Variants in DYNC2H1 observed in about 807,000 individuals in gnomAD.
DYNC2H1 encodes the protein dynein cytoplasmic 2 heavy chain 1.
In DYNC2H1, 410 loss-of-function variants were observed where a neutral mutation model predicts 570.0. The ratio of observed to expected loss-of-function variants is 0.72; its 90% CI spans 0.66 to 0.78. The LOEUF is 0.78. Among genes scored for constraint, DYNC2H1 ranks in the 30% least tolerant of loss-of-function variants. DYNC2H1 has a pLI of 0.00. For synonymous variants in DYNC2H1, 1,688 were observed against 1,677.6 expected (o/e 1.01, Z -0.15); for missense variants, 4,865 against 5,046.4 (o/e 0.96, Z 1.09).
At position 103,170,302 on chromosome 11, in the gene DYNC2H1, A is replaced by C. The variant is rs774556127; in HGVS notation, c.5151+12A>C. ...TTAATTGTGATGAGGTAGAATAAAT[A>C]ATTATCAAAATATGTAACAATGGGT... On this transcript the variant is annotated intron_variant, in intron 33 of 88. Coordinates refer to ENST00000375735, the MANE Select transcript of DYNC2H1 (RefSeq NM_001377.3). The surrounding 1 kb of genome is among the most constrained non-coding windows in gnomAD (Gnocchi z 4.8). 67 of 1,542,206 alleles carry C rather than the reference A, an allele frequency of 4.3e-5. No individual in the cohort carries two copies. The highest frequency in any genetic ancestry group is 5.7e-5 in the Non-Finnish European group (65 of 1,148,668).
At chr11:103,386,919 G>C (rs1941907108) in intron 83 of DYNC2H1, among the ~76,000 whole-genome samples, 1 of 151,404 alleles carries the variant, frequency 6.6e-6, no homozygotes, top group Non-Finnish European at 1.5e-5. Context: ...ATTTGGGTTG[G>C]TTCCAAGTCT....
chr11:103,140,937 T>C (rs1859883981), intron 17 of DYNC2H1, among the ~76,000 whole-genome samples: 1 of 152,176 alleles, frequency 6.6e-6, no homozygotes, highest in Admixed American at 6.5e-5. Flanking sequence ...ACTTCCCTTC[T>C]CGGTTCATTT....
rs188656981 is a variant in DYNC2H1 at position 103,241,731 on chromosome 11, A to T, written c.9820-1962A>T. On this transcript the variant is annotated intron_variant, in intron 63 of 88. Coordinates refer to ENST00000375735, the MANE Select transcript of DYNC2H1 (RefSeq NM_001377.3). The surrounding 1 kb of genome is among the most constrained non-coding windows in gnomAD (Gnocchi z 5.1). ...GTGCTTCGAGTAGTACATTTACGTG[A>T]TGGAGCAGTAAGTGAAATCTCTAGA... Among the ~76,000 whole-genome samples the T allele has an allele frequency of 1.6e-3, 250 of 152,258 alleles. 1 individual carries two copies. The highest frequency in any genetic ancestry group is 5.1e-4 in the Non-Finnish European group (35 of 68,004).
intron 20 of DYNC2H1, among the ~76,000 whole-genome samples, chr11:103,150,475 G>A (rs1472768203): frequency 6.6e-6 from 1 of 152,120 alleles, no homozygotes; most frequent in Admixed American, 6.6e-5. Flanking sequence ...TTAGGAGTTT[G>A]GCTTGAGCAG....
chr11:103,178,230 A>C (rs1000405409), intron 38 of DYNC2H1, among the ~76,000 whole-genome samples: 2 of 152,126 alleles, frequency 1.3e-5, no homozygotes, highest in African/African-American at 2.4e-5. Flanking sequence ...TGAAAATTTA[A>C]GTGGTAAAAC....
intron 82 of DYNC2H1, among the ~76,000 whole-genome samples, chr11:103,337,032 C>A (rs1939173577): frequency 6.6e-6 from 1 of 152,114 alleles, no homozygotes; most frequent in African/African-American, 2.4e-5. Context: ...CATGGGTTTA[C>A]CAGAACGAGG....
At chr11:103,345,021 G>A (rs1304135699) in intron 82 of DYNC2H1, among the ~76,000 whole-genome samples, 1 of 151,960 alleles carries the variant, frequency 6.6e-6, no homozygotes, top group Non-Finnish European at 1.5e-5. Flanking sequence ...GTTCTATTAC[G>A]TGCATGCATT....
chr11:103,171,070 T>A lies in DYNC2H1; in HGVS notation c.5334+2T>A. 2 of 1,572,454 alleles carry A rather than the reference T, an allele frequency of 1.3e-6. No individual in the cohort carries two copies. The highest frequency in any genetic ancestry group is 1.7e-6 in the Non-Finnish European group (2 of 1,154,294). On this transcript the variant is annotated splice_donor_variant, in intron 34 of 88. Coordinates refer to ENST00000375735, the MANE Select transcript of DYNC2H1 (RefSeq NM_001377.3). LOFTEE classifies it high-confidence loss of function. The stretch of plus-strand genomic sequence containing the variant: ...GTATGTGAACTGCTTGGCAAGGAGG[T>A]ATAGAATATGTTGGGAATTTAAAGA...
At chr11:103,438,191 T>G (rs1944131204) in intron 85 of DYNC2H1, among the ~76,000 whole-genome samples, 1 of 152,080 alleles carries the variant, frequency 6.6e-6, no homozygotes, top group Non-Finnish European at 1.5e-5. Flanking sequence ...TTTACATTGT[T>G]TTATTTTCCT....
intron 84 of DYNC2H1, among the ~76,000 whole-genome samples, chr11:103,411,062 G>A (rs990738587): frequency 6.6e-6 from 1 of 152,074 alleles, no homozygotes; most frequent in Admixed American, 6.6e-5. Context: ...TGTTTATGGG[G>A]TTGTGCAAAC....
intron 17 of DYNC2H1, among the ~76,000 whole-genome samples, chr11:103,136,975 G>A (rs1186022334): frequency 2.8e-4 from 42 of 151,184 alleles, no homozygotes; most frequent in African/African-American, 4.1e-4. Flanking sequence ...TCTGATGGCC[G>A]GTGATGGTGA....
At chr11:103,421,222 T>C (rs1943475673) in intron 84 of DYNC2H1, among the ~76,000 whole-genome samples, 1 of 152,138 alleles carries the variant, frequency 6.6e-6, no homozygotes, top group Admixed American at 6.6e-5. Context: ...AGCAAGTTCT[T>C]AGAAACCTAC....
Position 103,359,668 on chromosome 11 carries a change from CT to C in DYNC2H1, c.12156+1323del, listed in dbSNP as rs202022243. 1.3e-3 allele frequency among the ~76,000 whole-genome samples: 173 copies of C among 129,892 alleles called. 2 individuals are homozygous for C. Among genetic ancestry groups the C allele is most frequent in the African/African-American group, 3.0e-3 (106 of 35,014 alleles). The allele number at this position is 129,892 out of a possible 152,430, so 85.2% of individuals were successfully genotyped here. On this transcript the variant is annotated intron_variant, in intron 83 of 88. Transcript: ENST00000375735. ...ACCCTCATTTACTTTTTTTTTTTTA[CT>C]TTTTTTTTTTTTTGAGATGGAGTCT...
At chr11:103,374,275 A>T (rs1941299587) in intron 83 of DYNC2H1, among the ~76,000 whole-genome samples, 1 of 152,168 alleles carries the variant, frequency 6.6e-6, no homozygotes, top group Non-Finnish European at 1.5e-5. Context: ...TGTTCTCATG[A>T]TAGCGAGTGA....
At chr11:103,316,468 T>A in intron 79 of DYNC2H1, 77 bp from the exon 80 acceptor site, 1 of 982,864 alleles carries the variant, frequency 1.0e-6, no homozygotes, top group Non-Finnish European at 1.5e-6. Flanking sequence ...GATCATTTAA[T>A]TTAAAGACAG....
intron 82 of DYNC2H1, among the ~76,000 whole-genome samples, chr11:103,342,311 C>T (rs890570732): frequency 3.0e-4 from 45 of 152,080 alleles, no homozygotes; most frequent in Admixed American, 2.8e-3. Flanking sequence ...AATCAGCACC[C>T]TATAAAATGG....
Position 103,358,273 on chromosome 11 carries a change from T to C in DYNC2H1, c.12070T>C (p.Ser4024Pro). Residue 4024 changes from serine (S) to proline (P), a missense_variant, in exon 83 of 89, where the codon TCC becomes CCC. Ser to Pro is a moderately conservative substitution (Grantham distance 74, BLOSUM62 -1). Coordinates refer to ENST00000375735, the MANE Select transcript of DYNC2H1 (RefSeq NM_001377.3). ...VISQLRILGR[S>P]ITAGSKFDRE... ...TTCACAGTTGAGGATTTTGGGCAGA[T>C]CCATAACAGCTGGTTCCAAATTTGA... is the stretch of plus-strand genomic sequence containing the variant. The C allele has an allele frequency of 6.3e-7, 1 of 1,589,238 alleles. No individual in the cohort carries two copies. Among genetic ancestry groups the C allele is most frequent in the Non-Finnish European group, 8.6e-7 (1 of 1,166,312 alleles).
intron 82 of DYNC2H1, among the ~76,000 whole-genome samples, chr11:103,342,002 G>A (rs1939465040): frequency 2.0e-5 from 3 of 152,318 alleles, no homozygotes; most frequent in Admixed American, 2.0e-4. Context: ...CTAGCTGTGT[G>A]TGGTGGCATG....
chr11:103,438,923 C>T (rs1171862237), intron 85 of DYNC2H1, among the ~76,000 whole-genome samples: 3 of 151,982 alleles, frequency 2.0e-5, no homozygotes, highest in Non-Finnish European at 2.9e-5. Flanking sequence ...GCAAGAGGAT[C>T]GCTTGAGCCC....
Sources: allele counts gnomAD v4.1 joint callset (sites outside exome capture counted in the v4.1 genomes callset), GRCh38; gene constraint gnomAD v4.1.1; non-coding constraint Gnocchi (gnomAD v3.1); transcripts MANE v1.5; gene names NCBI Gene and HGNC (gene_info 2026-07-23, HGNC 2026-07-21).